GBF1: variants seen among roughly 807,000 people sequenced by gnomAD.
GBF1 encodes golgi brefeldin A resistant guanine nucleotide exchange factor 1.
In GBF1, 114 loss-of-function variants were observed where a neutral mutation model predicts 210.5. That is an observed-to-expected ratio of 0.54 (90% CI 0.47 to 0.63). GBF1 has a LOEUF of 0.63. Among genes scored for constraint, GBF1 ranks in the 30% least tolerant of loss-of-function variants. GBF1 has a pLI of 0.00. For synonymous variants in GBF1, 850 were observed against 889.2 expected, an observed-to-expected ratio of 0.96 and a Z score of 0.78; for missense variants, 1,851 against 2,357.7, an observed-to-expected ratio of 0.79 and a Z score of 4.45.
At position 102,370,839 on chromosome 10, in the gene GBF1, G is replaced by A. The variant is rs2060167721; in HGVS notation, c.3639G>A (p.Arg1213=). The change falls in exon 29 of 40, where the codon CGG becomes CGA. Residue 1213 remains arginine (R), a synonymous_variant. Transcript: ENST00000369983. ...TACGCCTGGCCATTCGGCTTCTCCG[G>A]AGAGAAGAGATCAGTGCTCAGGTAA... The part of the protein sequence containing the change: ...GLLRLAIRLL[R]REEISAQVLL... 1.2e-6 allele frequency: 2 copies of A among 1,614,006 alleles called. No individual in the cohort carries two copies. The highest frequency in any genetic ancestry group is 1.1e-5 in the South Asian group (1 of 91,086).
the GBF1 span, chr10:102,231,774 C>T: frequency 6.2e-7 from 1 of 1,604,170 alleles, no homozygotes; most frequent in Non-Finnish European, 8.5e-7. Context: ...GCAGCGAAGC[C>T]GAGGCCTTTT....
Position 102,288,722 on chromosome 10 carries a change from G to GAAA in GBF1, c.163+28617_163+28619dup, listed in dbSNP as rs1348947076. Reference sequence around the variant, plus strand: ...GACAGAGCGAGACTCCGTCTCAAAGGAAAAAAAAAAAAACAAAAAAAAAAA... The same window carrying GAAA: ...GACAGAGCGAGACTCCGTCTCAAAGGAAAAAAAAAAAAAAAACAAAAAAAAAAA... On this transcript the variant is annotated intron_variant, in intron 3 of 39. Transcript: ENST00000369983. Among the ~76,000 whole-genome samples, 169 of 83,648 alleles carry GAAA rather than the reference G, an allele frequency of 2.0e-3. 7 individuals carry two copies. The highest frequency in any genetic ancestry group is 0.011 in the South Asian group (26 of 2,304). 54.9% of individuals were successfully genotyped at this position (83,648 alleles called of 152,430 possible).
chr10:102,370,841 G>A lies in GBF1; in HGVS notation c.3641G>A (p.Arg1214Lys), dbSNP rs1589810912. The change falls in exon 29 of 40, where the codon AGA becomes AAA. Residue 1214 changes from arginine to lysine, a missense_variant. By Grantham distance (26) the Arg-to-Lys change is conservative. This residue lies in a region of GBF1 where 967 missense variants were observed against 1,247.7 expected (regional missense o/e 0.78). Transcript: ENST00000369983. ...CGCCTGGCCATTCGGCTTCTCCGGA[G>A]AGAAGAGATCAGTGCTCAGGTAAGC... The part of the protein sequence containing the change: ...LLRLAIRLLR[R>K]EEISAQVLLS... 1.9e-6 allele frequency: 3 copies of A among 1,614,146 alleles called. No individual in the cohort carries two copies. Among genetic ancestry groups the A allele is most frequent in the Middle Eastern group, 3.3e-4 (2 of 6,062 alleles).
At chr10:102,320,372 G>A (rs1350943780) in intron 3 of GBF1, among the ~76,000 whole-genome samples, 1 of 151,970 alleles carries the variant, frequency 6.6e-6, no homozygotes, top group African/African-American at 2.4e-5. Flanking sequence ...CTTGGTGTGG[G>A]TCTCTTTTAG....
intron 8 of GBF1, among the ~76,000 whole-genome samples, chr10:102,357,736 T>A (rs1408748510): frequency 6.6e-6 from 1 of 152,140 alleles, no homozygotes; most frequent in Non-Finnish European, 1.5e-5. Context: ...GATTTCCTGC[T>A]TAATGTAACA....
chr10:102,237,387 G>A, the GBF1 span, among the ~76,000 whole-genome samples: 1 of 152,196 alleles, frequency 6.6e-6, no homozygotes, highest in African/African-American at 2.4e-5. Context: ...GGCAGGCTGG[G>A]AGGGCAGTGG....
chr10:102,253,215 G>A (rs2071834494), intron 1 of GBF1, among the ~76,000 whole-genome samples: 1 of 152,134 alleles, frequency 6.6e-6, no homozygotes, highest in Admixed American at 6.5e-5. Context: ...TTTAGACAAA[G>A]AATATGTGTA....
At chr10:102,301,390 G>C (rs1030796701) in intron 3 of GBF1, among the ~76,000 whole-genome samples, 11 of 152,192 alleles carry the variant, frequency 7.2e-5, no homozygotes, top group African/African-American at 1.2e-4. Flanking sequence ...TTTCTACACA[G>C]ACACAGCAAC....
chr10:102,360,429 C>T (rs2059529833), intron 12 of GBF1, 34 bp downstream of exon 12: 1 of 1,386,946 alleles, frequency 7.2e-7, no homozygotes, highest in Admixed American at 1.7e-5. Flanking sequence ...CTCAGAGCCT[C>T]TTTCAAGGGC....
At chr10:102,356,134 G>A (rs1039589219) in intron 8 of GBF1, among the ~76,000 whole-genome samples, 2 of 152,156 alleles carry the variant, frequency 1.3e-5, no homozygotes, top group African/African-American at 4.8e-5. Flanking sequence ...AGGAGCTATG[G>A]GTAGGAATGG....
In GBF1 at chr10:102,366,328, C is replaced by T; in HGVS notation, c.2310-55C>T. The stretch of plus-strand genomic sequence containing the variant: ...GTTAGGAGGACAGTGACTAAAAGAG[C>T]CTGACATGTGCAGCTTACACATTTT... On this transcript the variant is annotated intron_variant, in intron 18 of 39. Coordinates refer to ENST00000369983, the MANE Select transcript of GBF1 (RefSeq NM_001377137.1). This position sits in a 1 kb window ranked among gnomAD's most constrained non-coding sequence, Gnocchi z 4.0. The T allele has an allele frequency of 6.2e-7, 1 of 1,603,396 alleles. No individual in the cohort carries two copies. Among genetic ancestry groups the T allele is most frequent in the Non-Finnish European group, 8.5e-7 (1 of 1,171,530 alleles).
intron 14 of GBF1, 144 bp downstream of exon 14, chr10:102,362,056 T>TTTC (rs1565160852): frequency 1.3e-5 from 5 of 394,602 alleles, no homozygotes; most frequent in Admixed American, 4.7e-5. Context: ...TTTTCTTTTT[T>TTTC]TTTTTTTTTT....
chr10:102,311,898 C>A (rs1372731971), intron 3 of GBF1, among the ~76,000 whole-genome samples: 1 of 152,224 alleles, frequency 6.6e-6, no homozygotes, highest in South Asian at 2.1e-4. Flanking sequence ...CCAGCCATAA[C>A]AATTCCCTCA....
At chr10:102,275,556 G>A (rs763624398) in intron 3 of GBF1, among the ~76,000 whole-genome samples, 19 of 152,278 alleles carry the variant, frequency 1.2e-4, no homozygotes, top group Non-Finnish European at 2.2e-4. Context: ...AGAGAAAGTT[G>A]GAGTGAATGT....
chr10:102,258,878 G>A, intron 1 of GBF1, 51 bp from the exon 2 acceptor site: 1 of 935,398 alleles, frequency 1.1e-6, no homozygotes, highest in Non-Finnish European at 1.8e-6. Flanking sequence ...ACTTGGGTAT[G>A]CTTTGGGTAA....
Position 102,359,255 on chromosome 10 carries a change from T to A in GBF1, c.1012-12T>A. The A allele has an allele frequency of 6.3e-7, 1 of 1,597,878 alleles. No homozygotes were observed. Among genetic ancestry groups the A allele is most frequent in the South Asian group, 1.1e-5 (1 of 90,754 alleles). ...CATCCCTCTTCCCATATCTCCCTGCTACTGGTCATAGCAGGAAGGGACCCA... is the reference window on the plus strand; with the variant it reads ...CATCCCTCTTCCCATATCTCCCTGCAACTGGTCATAGCAGGAAGGGACCCA... On this transcript the variant is annotated splice_polypyrimidine_tract_variant and intron_variant, in intron 10 of 39. Coordinates refer to ENST00000369983, the MANE Select transcript of GBF1 (RefSeq NM_001377137.1).
At chr10:102,341,466 C>T (rs1036613786) in intron 3 of GBF1, among the ~76,000 whole-genome samples, 3 of 152,212 alleles carry the variant, frequency 2.0e-5, no homozygotes, top group Non-Finnish European at 4.4e-5. Context: ...AAGTGGAAAC[C>T]TGTGTTCACA....
chr10:102,244,772 G>C (rs1044767253), upstream of GBF1, among the ~76,000 whole-genome samples: 2 of 152,152 alleles, frequency 1.3e-5, no homozygotes, highest in African/African-American at 4.8e-5. Flanking sequence ...CCAGGGGTTC[G>C]TCTCTCTGCT....
In GBF1 at chr10:102,348,595, G is replaced by A. The variant is rs562055710; in HGVS notation, c.296-2661G>A. On this transcript the variant is annotated intron_variant, in intron 4 of 39. Transcript: ENST00000369983. Reference sequence around the variant, plus strand: ...GGGCTATGAGATAGAGGCCCTGAGAGTATGGGATTTTTTTGTGCTGATCGG... The same window carrying A: ...GGGCTATGAGATAGAGGCCCTGAGAATATGGGATTTTTTTGTGCTGATCGG... 2.6e-5 allele frequency among the ~76,000 whole-genome samples: 4 copies of A among 152,344 alleles called. No individual in the cohort carries two copies. In the South Asian group the frequency reaches 6.2e-4, roughly 24 times the overall value.
Sources: gnomAD v4.1 joint callset for allele counts (sites outside exome capture counted in the v4.1 genomes callset) on GRCh38, gnomAD v4.1.1 for gene constraint, gnomAD v4.1.1 regional missense constraint, Gnocchi (gnomAD v3.1) non-coding constraint, MANE v1.5 for transcripts, NCBI Gene and HGNC (gene_info 2026-07-23, HGNC 2026-07-21) for gene names.